The following ARHGAP15 variants were observed in gnomAD, a reference collection of about 807,000 sequenced individuals.
ARHGAP15 encodes the protein Rho GTPase activating protein 15, also known as rho GTPase-activating protein 15.
In ARHGAP15, 51 loss-of-function variants were observed where a neutral mutation model predicts 63.7. The ratio of observed to expected loss-of-function variants is 0.80; its 90% CI spans 0.64 to 1.01. The LOEUF (loss-of-function observed/expected upper bound fraction) is 1.01, where lower values mean the gene tolerates loss of function less well. ARHGAP15 is among the 50% of genes least tolerant of loss of function. ARHGAP15 has a pLI of 0.00. For synonymous variants in ARHGAP15, 191 were observed against 193.8 expected, an observed-to-expected ratio of 0.99 and a Z score of 0.12; for missense variants, 560 against 564.6, an observed-to-expected ratio of 0.99 and a Z score of 0.08.
intron 6 of ARHGAP15, among the ~76,000 whole-genome samples, chr2:143,412,181 G>A (rs1688475389): frequency 6.6e-6 from 1 of 152,180 alleles, no homozygotes; most frequent in Admixed American, 6.5e-5. Flanking sequence ...GTTAGGAACG[G>A]AGGCAGGTGG....
At chr2:143,720,593 G>C (rs909921652) in intron 13 of ARHGAP15, among the ~76,000 whole-genome samples, 2 of 152,146 alleles carry the variant, frequency 1.3e-5, no homozygotes, top group Non-Finnish European at 1.5e-5. Flanking sequence ...AGGGCGAAGG[G>C]GGATTCGAAT....
At chr2:143,692,492 A>G (rs1334307520) in intron 12 of ARHGAP15, among the ~76,000 whole-genome samples, 1 of 152,200 alleles carries the variant, frequency 6.6e-6, no homozygotes, top group Non-Finnish European at 1.5e-5. Flanking sequence ...CTCCCAGGTT[A>G]CAGTATTTGG....
intron 11 of ARHGAP15, among the ~76,000 whole-genome samples, chr2:143,565,983 C>T (rs76118941): frequency 0.015 from 2,312 of 152,108 alleles, 29 homozygotes; most frequent in South Asian, 0.046. Context: ...TCCAAGGTGC[C>T]CCATGTACTT....
chr2:143,580,307 A>G (rs74928972), intron 11 of ARHGAP15, among the ~76,000 whole-genome samples: 1,916 of 152,206 alleles, frequency 0.013, 47 homozygotes, highest in African/African-American at 0.045. Context: ...GATTTCCTGT[A>G]TCTGTTAGTA....
At chr2:143,558,380 G>A (rs1193321132) in intron 11 of ARHGAP15, among the ~76,000 whole-genome samples, 1 of 151,970 alleles carries the variant, frequency 6.6e-6, no homozygotes, top group Admixed American at 6.6e-5. Flanking sequence ...TAAGCCTCCA[G>A]TCAGATTTCT....
intron 6 of ARHGAP15, among the ~76,000 whole-genome samples, chr2:143,304,664 A>T (rs796532319): frequency 2.0e-5 from 3 of 152,152 alleles, no homozygotes; most frequent in African/African-American, 7.2e-5. Context: ...AAATATATTT[A>T]TTCACAAGTG....
chr2:143,252,183 T>C (rs543312183), intron 6 of ARHGAP15, among the ~76,000 whole-genome samples: 94 of 152,174 alleles, frequency 6.2e-4, no homozygotes, highest in African/African-American at 2.1e-3. Context: ...AGAGTTAAAT[T>C]AGTTCACAAA....
intron 11 of ARHGAP15, among the ~76,000 whole-genome samples, chr2:143,595,688 G>T (rs1474103126): frequency 6.6e-6 from 1 of 152,082 alleles, no homozygotes; most frequent in Non-Finnish European, 1.5e-5. Context: ...ATGAGATTGT[G>T]ATGGAGGAGG....
chr2:143,436,834 G>A, intron 7 of ARHGAP15, 79 bp from the exon 8 acceptor site: 2 of 1,504,570 alleles, frequency 1.3e-6, no homozygotes, highest in Non-Finnish European at 9.0e-7. Context: ...CCCATAAACA[G>A]CAAAATTGAA....
intron 10 of ARHGAP15, among the ~76,000 whole-genome samples, chr2:143,528,634 GAATATACC>G: frequency 6.6e-6 from 1 of 152,160 alleles, no homozygotes; most frequent in South Asian, 2.1e-4. Context: ...TAAAGACGTT[GAATATACC>G]AATGTTATTA....
At chr2:143,166,001 A>AGAAAGAAAGAAAAAAGGAAG (rs70982847) in intron 2 of ARHGAP15, among the ~76,000 whole-genome samples, 3 of 101,110 alleles carry the variant, frequency 3.0e-5, no homozygotes, top group African/African-American at 4.5e-5. Flanking sequence ...AAAGAAAGAA[A>AGAAAGAAAGAAAAAAGGAAG]GAAGGAAGGA....
intron 6 of ARHGAP15, among the ~76,000 whole-genome samples, chr2:143,365,177 T>C (rs1375531371): frequency 1.3e-5 from 2 of 152,198 alleles, no homozygotes; most frequent in Non-Finnish European, 2.9e-5. Flanking sequence ...GACCACCCAA[T>C]TTGTGTTAAA....
Position 143,519,349 on chromosome 2 carries a change from G to A in ARHGAP15, c.910G>A (p.Ala304Thr), listed in dbSNP as rs188001946. 12 of 1,612,580 alleles carry A rather than the reference G, an allele frequency of 7.4e-6. No individual in the cohort carries two copies. In the African/African-American group the frequency reaches 1.2e-4, roughly 16 times the overall value. The change falls in exon 10 of 14, where the codon GCT (alanine) becomes ACT (threonine). Residue 304 changes from alanine (A) to threonine (T), a missense_variant. Physicochemically the swap from Ala to Thr is moderately conservative, Grantham distance 58. Coordinates refer to ENST00000295095, the MANE Select transcript of ARHGAP15 (RefSeq NM_018460.4). ...GTGGTTTGTAAAGCAATGCATTGAAGCTGTTGAGAAAAGAGGTGGGTGACT... is the reference window on the plus strand; with the variant it reads ...GTGGTTTGTAAAGCAATGCATTGAAACTGTTGAGAAAAGAGGTGGGTGACT... ...VPWFVKQCIE[A>T]VEKRGLDVDG...
intron 10 of ARHGAP15, among the ~76,000 whole-genome samples, chr2:143,527,097 T>G (rs1219431153): frequency 6.6e-6 from 1 of 152,104 alleles, no homozygotes; most frequent in Non-Finnish European, 1.5e-5. Flanking sequence ...GATGTTCTTT[T>G]TTAAAGTTTA....
At chr2:143,685,149 C>A (rs1182551156) in intron 12 of ARHGAP15, among the ~76,000 whole-genome samples, 1 of 152,000 alleles carries the variant, frequency 6.6e-6, no homozygotes, top group Non-Finnish European at 1.5e-5. Flanking sequence ...ACCTCCACAC[C>A]GAAGTCGCAT....
intron 6 of ARHGAP15, among the ~76,000 whole-genome samples, chr2:143,400,948 C>G (rs1475732284): frequency 6.6e-6 from 1 of 151,968 alleles, no homozygotes; most frequent in African/African-American, 2.4e-5. Context: ...ACATTCCAAG[C>G]CTGGTAAAAC....
At position 143,262,604 on chromosome 2, in the gene ARHGAP15, C is replaced by T. The variant is rs573957008; in HGVS notation, c.474+12004C>T. On this transcript the variant is annotated intron_variant, in intron 6 of 13. Coordinates refer to ENST00000295095, the MANE Select transcript of ARHGAP15 (RefSeq NM_018460.4). Reference sequence around the variant, plus strand: ...ACTGTAGTTGACAGTTCACTGCTCTCATCAGGCCTAGATGTACCACAAGAC... The same window carrying T: ...ACTGTAGTTGACAGTTCACTGCTCTTATCAGGCCTAGATGTACCACAAGAC... 7.0e-5 allele frequency among the ~76,000 whole-genome samples: 10 copies of T among 142,298 alleles called. No individual in the cohort carries two copies. The East Asian group carries it at 2.2e-3, about 31-fold the overall frequency. 93.4% of individuals were successfully genotyped at this position (142,298 alleles called of 152,430 possible). A position where few individuals can be genotyped will look rare whatever the true frequency, so the allele number is the denominator to read the frequency against.
intron 13 of ARHGAP15, among the ~76,000 whole-genome samples, chr2:143,750,304 G>T (rs1227494792): frequency 6.6e-6 from 1 of 152,156 alleles, no homozygotes; most frequent in African/African-American, 2.4e-5. Context: ...AGTGGGGCAT[G>T]ATGGCGCATG....
intron 8 of ARHGAP15, among the ~76,000 whole-genome samples, chr2:143,468,794 C>T (rs1691373552): frequency 6.6e-6 from 1 of 151,980 alleles, no homozygotes; most frequent in Non-Finnish European, 1.5e-5. Flanking sequence ...AATCAGTAGT[C>T]TATTCAAATC....
Sources: allele counts gnomAD v4.1 joint callset (sites outside exome capture counted in the v4.1 genomes callset), GRCh38; gene constraint gnomAD v4.1.1; transcripts MANE v1.5; gene names NCBI Gene and HGNC (gene_info 2026-07-23, HGNC 2026-07-21).